Variants in MACROH2A2 observed in about 807,000 individuals in gnomAD.
MACROH2A2 encodes the protein macroH2A.2 histone, also known as core histone macro-H2A.2.
Under a neutral mutation model 37.6 loss-of-function variants are expected in MACROH2A2, and 6 were observed. The ratio of observed to expected loss-of-function variants is 0.16; its 90% CI spans 0.09 to 0.32. MACROH2A2 has a LOEUF of 0.32. Among genes scored for constraint, MACROH2A2 ranks in the 10% least tolerant of loss-of-function variants. The pLI, the probability that MACROH2A2 is intolerant of heterozygous loss-of-function variation, is 1.00. For synonymous variants in MACROH2A2, 192 were observed against 202.7 expected (o/e 0.95, Z 0.45); for missense variants, 290 against 485.9 (o/e 0.60, Z 3.79).
chr10:70,101,755 T>C (rs2072308564), intron 7 of MACROH2A2, among the ~76,000 whole-genome samples: 1 of 152,236 alleles, frequency 6.6e-6, no homozygotes, highest in Non-Finnish European at 1.5e-5. Flanking sequence ...ATGCAATATA[T>C]GACTTTTCTG....
intron 2 of MACROH2A2, among the ~76,000 whole-genome samples, chr10:70,076,922 T>C (rs1191980434): frequency 6.6e-6 from 1 of 152,144 alleles, no homozygotes; most frequent in East Asian, 1.9e-4. Flanking sequence ...TGAAAGGTTT[T>C]CCTTGATCCA....
chr10:70,109,960 C>G (rs1040064277), intron 8 of MACROH2A2, among the ~76,000 whole-genome samples: 1 of 152,112 alleles, frequency 6.6e-6, no homozygotes, highest in African/African-American at 2.4e-5. Flanking sequence ...GAGAGCTGTC[C>G]TTTATAATAT....
rs948468944 is a variant in MACROH2A2, at chr10:70,075,265, C to A, written c.-59-335C>A. Among the ~76,000 whole-genome samples, 4 of 152,228 alleles carry A rather than the reference C, an allele frequency of 2.6e-5. No individual in the cohort carries two copies. Among genetic ancestry groups the A allele is most frequent in the South Asian group, 4.1e-4 (2 of 4,834 alleles). On this transcript the variant is annotated intron_variant, in intron 1 of 8. Transcript: ENST00000373255. The surrounding 1 kb of genome is among the most constrained non-coding windows in gnomAD (Gnocchi z 5.0). ...AGTCTCTGTCATATAAGATAACAGT[C>A]ACAGGTTCTGGGGATGAGGAAATTG...
intron 7 of MACROH2A2, among the ~76,000 whole-genome samples, chr10:70,108,094 G>A (rs2072348419): frequency 6.6e-6 from 1 of 152,050 alleles, no homozygotes; most frequent in Non-Finnish European, 1.5e-5. Flanking sequence ...TGTAATCCCA[G>A]CTACTCGAGA....
chr10:70,063,613 G>A (rs932518200), intron 1 of MACROH2A2, among the ~76,000 whole-genome samples: 6 of 152,094 alleles, frequency 3.9e-5, no homozygotes, highest in African/African-American at 1.4e-4. Flanking sequence ...CTCATTTCTA[G>A]GCTGATCCAC....
rs1214919818 is a variant in MACROH2A2, at chr10:70,111,938, C to A, written c.*255C>A. On this transcript the variant is annotated 3_prime_UTR_variant, in exon 9 of 9. Coordinates refer to ENST00000373255, the MANE Select transcript of MACROH2A2 (RefSeq NM_018649.3). The stretch of plus-strand genomic sequence containing the variant: ...TTTAGAACTTTTTTAAAAAAACAGA[C>A]CTCGTTTTAGATTTATAGCATTGAC... The A allele has an allele frequency of 6.4e-6, 2 of 314,312 alleles. No individual in the cohort carries two copies. Among genetic ancestry groups the A allele is most frequent in the Non-Finnish European group, 1.2e-5 (2 of 172,768 alleles). 19.5% of individuals were successfully genotyped at this position (314,312 alleles called of 1,614,324 possible).
chr10:70,053,843 A>T lies in MACROH2A2; in HGVS notation c.-60+843A>T, dbSNP rs7899363. On this transcript the variant is annotated intron_variant, in intron 1 of 8. Transcript: ENST00000373255. This position sits in a 1 kb window ranked among gnomAD's most constrained non-coding sequence, Gnocchi z 4.8. ...GCGGGAAAAAATAATAATAATAAAA[A>T]TATCGAAAAAGGGAATAAAAGTAAA... Among the ~76,000 whole-genome samples the T allele has an allele frequency of 0.17, 25,252 of 152,066 alleles. 2,153 individuals carry two copies. The highest frequency in any genetic ancestry group is 0.24 in the Middle Eastern group (70 of 292).
intron 2 of MACROH2A2, among the ~76,000 whole-genome samples, chr10:70,086,857 C>A (rs1459558274): frequency 6.6e-6 from 1 of 152,178 alleles, no homozygotes; most frequent in South Asian, 2.1e-4. Context: ...CTTCCCTTCA[C>A]TGTGCACAAT....
Position 70,103,425 on chromosome 10 carries a change from C to T in MACROH2A2, c.778+3128C>T, listed in dbSNP as rs78473687. 3.2e-3 allele frequency among the ~76,000 whole-genome samples: 487 copies of T among 152,272 alleles called. 2 individuals are homozygous for T. The highest frequency in any genetic ancestry group is 5.4e-3 in the Non-Finnish European group (364 of 68,024). ...TTCTTGCTGTGTTGCCCAGGCTGAT[C>T]TTGAACTGCTGGGCTTAAGTGATCC... On this transcript the variant is annotated intron_variant, in intron 7 of 8. Transcript: ENST00000373255.
At position 70,093,748 on chromosome 10, in the gene MACROH2A2, A is replaced by G. The variant is rs777502925; in HGVS notation, c.491A>G (p.Asp164Gly). 2.5e-6 allele frequency: 4 copies of G among 1,602,614 alleles called. No homozygotes were observed. In the Admixed American group the frequency reaches 6.7e-5, roughly 27 times the overall value. The stretch of plus-strand genomic sequence containing the variant: ...TTTTACCGACAGTCCAAACCAAAGG[A>G]CAGCGATAAAGAAGGAACTTCAAAT... Reference protein sequence around the residue: ...PRTSKKSKPKDSDKEGTSNST... With the variant: ...PRTSKKSKPKGSDKEGTSNST... Residue 164 changes from aspartate to glycine, a missense_variant, in exon 5 of 9, where the codon GAC becomes GGC. Coordinates refer to ENST00000373255, the MANE Select transcript of MACROH2A2 (RefSeq NM_018649.3).
At chr10:70,088,949 C>T (rs1183348991) in intron 2 of MACROH2A2, among the ~76,000 whole-genome samples, 1 of 152,080 alleles carries the variant, frequency 6.6e-6, no homozygotes, top group Non-Finnish European at 1.5e-5. Context: ...ACTAAAAATA[C>T]AAAAATTAGC....
chr10:70,058,020 G>A (rs2072028101), intron 1 of MACROH2A2, among the ~76,000 whole-genome samples: 1 of 152,132 alleles, frequency 6.6e-6, no homozygotes, highest in African/African-American at 2.4e-5. Context: ...CAAGGAGCTG[G>A]TAGCTTTCCG....
intron 1 of MACROH2A2, among the ~76,000 whole-genome samples, chr10:70,074,780 G>A (rs2072131174): frequency 6.6e-6 from 1 of 152,128 alleles, no homozygotes; most frequent in South Asian, 2.1e-4. Flanking sequence ...TGATTGTGAG[G>A]CCTCCCCAGC....
Position 70,093,835 on chromosome 10 carries a change from T to A in MACROH2A2, c.578T>A (p.Leu193Gln). The stretch of plus-strand genomic sequence containing the variant: ...ATTCTGTCTTCTAAGAGCCTTGTTC[T>A]GGGACAGAAGGTAACAAAGAGAATT... Reference protein sequence around the residue: ...FTILSSKSLVLGQKLSLTQSD... With the variant: ...FTILSSKSLVQGQKLSLTQSD... The change falls in exon 5 of 9, where the codon CTG becomes CAG. Residue 193 changes from leucine to glutamine, a missense_variant. Transcript: ENST00000373255. The A allele has an allele frequency of 6.4e-7, 1 of 1,568,078 alleles. No individual in the cohort carries two copies. The highest frequency in any genetic ancestry group is 1.3e-5 in the African/African-American group (1 of 74,106).
chr10:70,071,327 T>A (rs1034597506), intron 1 of MACROH2A2, among the ~76,000 whole-genome samples: 4 of 152,018 alleles, frequency 2.6e-5, no homozygotes, highest in African/African-American at 9.7e-5. Flanking sequence ...CTTAGGAGAG[T>A]CACTAATGCA....
At chr10:70,088,741 A>AGT (rs2072226464) in intron 2 of MACROH2A2, among the ~76,000 whole-genome samples, 1 of 152,142 alleles carries the variant, frequency 6.6e-6, no homozygotes, top group South Asian at 2.1e-4. Context: ...CTCATCCCAG[A>AGT]GTGTAAGTCA....
intron 1 of MACROH2A2, among the ~76,000 whole-genome samples, chr10:70,064,629 A>G (rs1434928168): frequency 6.6e-6 from 1 of 152,070 alleles, no homozygotes; most frequent in East Asian, 1.9e-4. Flanking sequence ...TTCCTGTGCT[A>G]TTCTCCTGAT....
chr10:70,091,916 A>T lies in MACROH2A2; in HGVS notation c.439A>T (p.Lys147Ter). 6.2e-7 allele frequency: 1 copy of T among 1,613,792 alleles called. No individual in the cohort carries two copies. ...GGCCACGTCAGGCAAGAAGGGGGGGAAGAAATCCAAGGCTGCCAAACCACG... is the reference window on the plus strand; with the variant it reads ...GGCCACGTCAGGCAAGAAGGGGGGGTAGAAATCCAAGGCTGCCAAACCACG... The part of the protein sequence containing the change: ...RKATSGKKGG[K>*]KSKAAKPRTS... The change falls in exon 4 of 9, where the codon AAG becomes TAG. Residue 147 changes from lysine (K) to a stop codon, truncating the protein, a stop_gained. Coordinates refer to ENST00000373255, the MANE Select transcript of MACROH2A2 (RefSeq NM_018649.3). LOFTEE classifies it high-confidence loss of function.
intron 2 of MACROH2A2, among the ~76,000 whole-genome samples, chr10:70,076,660 G>T (rs946800544): frequency 6.6e-6 from 1 of 152,048 alleles, no homozygotes; most frequent in Non-Finnish European, 1.5e-5. Context: ...CTCTGACTTT[G>T]CCCAAGGTTA....
Sources: allele counts gnomAD v4.1 joint callset (sites outside exome capture counted in the v4.1 genomes callset), GRCh38; gene constraint gnomAD v4.1.1; non-coding constraint Gnocchi (gnomAD v3.1); transcripts MANE v1.5; gene names NCBI Gene and HGNC (gene_info 2026-07-23, HGNC 2026-07-21).